Variants in FOXP1 observed in about 807,000 individuals in gnomAD.
The protein encoded by FOXP1 is forkhead box P1, also known as forkhead box protein P1.
Under a neutral mutation model 98.2 loss-of-function variants are expected in FOXP1, and 15 were observed. The ratio of observed to expected loss-of-function variants is 0.15; its 90% confidence interval spans 0.10 to 0.24. The LOEUF is 0.24. Ranked by LOEUF, FOXP1 falls within the 10% of genes least tolerant of loss-of-function variation. The pLI is 1.00. For synonymous variants in FOXP1, 371 were observed against 314.5 expected (o/e 1.18, Z -1.90); for missense variants, 633 against 848.5 (o/e 0.75, Z 3.15).
At chr3:71,159,304 A>C (rs1305232188) in intron 6 of FOXP1, among the ~76,000 whole-genome samples, 1 of 152,094 alleles carries the variant, frequency 6.6e-6, no homozygotes, top group Non-Finnish European at 1.5e-5. Context: ...GGAGCCTCCG[A>C]GGAAAGGTTA....
chr3:71,127,193 C>T (rs2059271207), intron 6 of FOXP1, among the ~76,000 whole-genome samples: 1 of 152,058 alleles, frequency 6.6e-6, no homozygotes, highest in African/African-American at 2.4e-5. Context: ...GAAGGAGGCC[C>T]ACGGCACTCC....
At chr3:71,236,412 A>G (rs1198014640) in intron 5 of FOXP1, among the ~76,000 whole-genome samples, 1 of 152,078 alleles carries the variant, frequency 6.6e-6, no homozygotes, top group African/African-American at 2.4e-5. Flanking sequence ...GACTTTTTGG[A>G]TAAATCTTTG....
intron 2 of FOXP1, among the ~76,000 whole-genome samples, chr3:71,562,539 G>A (rs767168351): frequency 6.6e-6 from 1 of 152,100 alleles, no homozygotes; most frequent in African/African-American, 2.4e-5. Context: ...AGTCATAAGC[G>A]CTAATATTAT....
chr3:70,988,881 AT>A (rs927535451), intron 13 of FOXP1, among the ~76,000 whole-genome samples: 43 of 152,200 alleles, frequency 2.8e-4, no homozygotes, highest in Non-Finnish European at 6.0e-4. Context: ...GAAGTGGGAA[AT>A]ATATCCCCTA....
intron 6 of FOXP1, among the ~76,000 whole-genome samples, chr3:71,128,466 G>A (rs2059368466): frequency 1.3e-5 from 2 of 152,096 alleles, no homozygotes; most frequent in Admixed American, 1.3e-4. Flanking sequence ...GAGGGACACA[G>A]ACATATAAGT....
At chr3:71,157,704 A>G (rs979578568) in intron 6 of FOXP1, among the ~76,000 whole-genome samples, 2 of 152,154 alleles carry the variant, frequency 1.3e-5, no homozygotes, top group African/African-American at 4.8e-5. Context: ...GCCTTTCATG[A>G]AGAAATCTTT....
At chr3:71,098,872 C>T (rs1009110949) in intron 7 of FOXP1, among the ~76,000 whole-genome samples, 1 of 152,150 alleles carries the variant, frequency 6.6e-6, no homozygotes, top group African/African-American at 2.4e-5. Flanking sequence ...TAAAGTGACA[C>T]ATTTAGGAAA....
At position 71,378,097 on chromosome 3, in the gene FOXP1, C is replaced by A. The variant is rs77638658; in HGVS notation, c.-167-18853G>T. Reference sequence around the variant, plus strand: ...AAGGGAATCAATACAGGCCAAGAAACAAAAAAAAAAAAAAAAGCCTGTGTT... The same window carrying A: ...AAGGGAATCAATACAGGCCAAGAAAAAAAAAAAAAAAAAAAAGCCTGTGTT... On this transcript the variant is annotated intron_variant, in intron 3 of 20. Transcript: ENST00000649528. Among the ~76,000 whole-genome samples, 347 of 115,470 alleles carry A rather than the reference C, an allele frequency of 3.0e-3. 21 individuals are homozygous for A. The highest frequency in any genetic ancestry group is 4.9e-3 in the Middle Eastern group (1 of 206). The allele number at this position is 115,470 out of a possible 152,430, so 75.8% of individuals were successfully genotyped here. A position where few individuals can be genotyped will look rare whatever the true frequency, so the allele number is the denominator to read the frequency against.
intron 14 of FOXP1, among the ~76,000 whole-genome samples, chr3:70,978,774 A>G (rs1159034173): frequency 2.0e-5 from 3 of 152,216 alleles, no homozygotes; most frequent in African/African-American, 7.2e-5. Flanking sequence ...CCTTAACAGC[A>G]TTATGAATAA....
At chr3:71,428,848 C>T (rs1218046006) in intron 3 of FOXP1, among the ~76,000 whole-genome samples, 1 of 152,208 alleles carries the variant, frequency 6.6e-6, no homozygotes, top group African/African-American at 2.4e-5. Flanking sequence ...TGGGCTGCAA[C>T]TGCTCAGTGA....
intron 6 of FOXP1, among the ~76,000 whole-genome samples, chr3:71,160,715 A>G (rs1019504346): frequency 9.2e-5 from 14 of 152,228 alleles, no homozygotes; most frequent in Admixed American, 6.5e-5. Context: ...ATAAATCAAC[A>G]ATTCCATGAC....
chr3:71,449,882 A>G (rs1419948270), intron 3 of FOXP1, among the ~76,000 whole-genome samples: 5 of 152,228 alleles, frequency 3.3e-5, no homozygotes, highest in Admixed American at 3.3e-4. Flanking sequence ...ACTAAATACA[A>G]TCTCACATAG....
At chr3:71,336,855 T>C (rs1191119533) in intron 4 of FOXP1, among the ~76,000 whole-genome samples, 1 of 152,124 alleles carries the variant, frequency 6.6e-6, no homozygotes, top group African/African-American at 2.4e-5. Flanking sequence ...GGATCCAGCT[T>C]GCCAATGTGC....
intron 2 of FOXP1, among the ~76,000 whole-genome samples, chr3:71,501,857 G>A (rs571619608): frequency 6.6e-6 from 1 of 152,172 alleles, no homozygotes; most frequent in East Asian, 1.9e-4. Context: ...GAAAACCCTG[G>A]TATCCCTCAA....
intron 19 of FOXP1, among the ~76,000 whole-genome samples, chr3:70,966,594 T>C (rs1042245871): frequency 6.6e-6 from 1 of 152,164 alleles, no homozygotes; most frequent in Non-Finnish European, 1.5e-5. Flanking sequence ...CCTCCCATCA[T>C]TTCTGTTTTA....
chr3:71,384,978 C>T lies in FOXP1; in HGVS notation c.-167-25734G>A, dbSNP rs565080532. Among the ~76,000 whole-genome samples, 276 of 152,178 alleles carry T rather than the reference C, an allele frequency of 1.8e-3. 1 individual carries two copies. The highest frequency in any genetic ancestry group is 2.8e-3 in the Non-Finnish European group (190 of 68,008). The stretch of plus-strand genomic sequence containing the variant: ...CCTTCAATCAACAACACAAAACAGA[C>T]TTGAGCAATAATACAGCATTTCTTT... On this transcript the variant is annotated intron_variant, in intron 3 of 20. Coordinates refer to ENST00000649528, the MANE Select transcript of FOXP1 (RefSeq NM_001349338.3).
chr3:70,972,184 G>C (rs2036407083), intron 18 of FOXP1: 1 of 1,519,404 alleles, frequency 6.6e-7, no homozygotes, highest in Admixed American at 2.1e-5. Context: ...TGGCACCCTG[G>C]GATAGGAGCA....
chr3:71,403,778 G>A (rs1416914292), intron 3 of FOXP1, among the ~76,000 whole-genome samples: 1 of 152,140 alleles, frequency 6.6e-6, no homozygotes, highest in African/African-American at 2.4e-5. Flanking sequence ...TTGGGCCCAA[G>A]AGGTGGAGGT....
At chr3:71,312,758 G>C (rs1275721721) in intron 4 of FOXP1, among the ~76,000 whole-genome samples, 1 of 152,200 alleles carries the variant, frequency 6.6e-6, no homozygotes, top group East Asian at 1.9e-4. Flanking sequence ...GCCAAGGCAG[G>C]TGATCACACT....
Sources: allele counts gnomAD v4.1 joint callset (sites outside exome capture counted in the v4.1 genomes callset), GRCh38; gene constraint gnomAD v4.1.1; transcripts MANE v1.5; gene names NCBI Gene and HGNC (gene_info 2026-07-23, HGNC 2026-07-21).